Variants in ANO3 observed in about 807,000 individuals in gnomAD.
The protein encoded by ANO3 is anoctamin 3, also known as anoctamin-3.
In ANO3, 99 loss-of-function variants were observed where a neutral mutation model predicts 144.8. That is an observed-to-expected ratio of 0.68 (90% CI 0.58 to 0.81). The LOEUF is 0.81. ANO3 is among the 30% of genes least tolerant of loss of function. The probability of loss-of-function intolerance (pLI) is 0.00; values close to 1 mark genes in which losing one functional copy is unlikely to be tolerated. For missense variants in ANO3, 905 were observed against 1,202.2 expected (o/e 0.75, Z 3.66); for synonymous variants, 414 against 392.6 (o/e 1.05, Z -0.64).
chr11:26,217,682 T>C (rs1324738870), intron 1 of ANO3, among the ~76,000 whole-genome samples: 1 of 152,122 alleles, frequency 6.6e-6, no homozygotes, highest in Non-Finnish European at 1.5e-5. Context: ...AAATAGTATA[T>C]GTTCTAAAAG....
chr11:26,239,148 A>G (rs1852599633), intron 1 of ANO3, among the ~76,000 whole-genome samples: 1 of 151,668 alleles, frequency 6.6e-6, no homozygotes, highest in South Asian at 2.1e-4. Flanking sequence ...ATTATATTAC[A>G]TATTTATAAA....
intron 6 of ANO3, among the ~76,000 whole-genome samples, chr11:26,525,144 C>A (rs1028830229): frequency 6.6e-6 from 1 of 152,064 alleles, no homozygotes; most frequent in African/African-American, 2.4e-5. Context: ...ATCAAGGAAG[C>A]TTCTTGAGGG....
chr11:26,446,772 T>A (rs959985500), intron 3 of ANO3, among the ~76,000 whole-genome samples: 1 of 152,286 alleles, frequency 6.6e-6, no homozygotes, highest in African/African-American at 2.4e-5. Flanking sequence ...AAGGTATAAC[T>A]TCATCATAGC....
intron 1 of ANO3, among the ~76,000 whole-genome samples, chr11:26,228,875 C>G (rs1173767714): frequency 6.6e-6 from 1 of 152,012 alleles, no homozygotes; most frequent in Non-Finnish European, 1.5e-5. Context: ...AATCATTTGC[C>G]AAAACAATAG....
At chr11:26,512,600 T>C (rs1861708615) in intron 5 of ANO3, among the ~76,000 whole-genome samples, 2 of 152,226 alleles carry the variant, frequency 1.3e-5, no homozygotes, top group South Asian at 4.1e-4. Flanking sequence ...TGTTGGTTGA[T>C]AAAAATCTCT....
At chr11:26,274,730 C>T (rs560919706) in intron 1 of ANO3, among the ~76,000 whole-genome samples, 1 of 152,056 alleles carries the variant, frequency 6.6e-6, no homozygotes, top group Non-Finnish European at 1.5e-5. Context: ...GTTAGGACAT[C>T]CTTTTGCACT....
At chr11:26,416,897 T>C (rs913688410) in intron 1 of ANO3, among the ~76,000 whole-genome samples, 17 of 152,054 alleles carry the variant, frequency 1.1e-4, no homozygotes, top group Non-Finnish European at 1.8e-4. Flanking sequence ...TGAAGGAAAA[T>C]TATTTATCTC....
rs563862716 is a variant in ANO3, at chr11:26,365,846, C to T, written c.46+33525C>T. ...TCTGAAATAACTTTGAGGCCTTTTC[C>T]TCATTGTTTGGATATTAGCGCTTGG... is the stretch of plus-strand genomic sequence containing the variant. On this transcript the variant is annotated intron_variant, in intron 1 of 26. Transcript: ENST00000256737. Among the ~76,000 whole-genome samples the T allele has an allele frequency of 7.2e-5, 11 of 152,004 alleles. No individual in the cohort carries two copies. In the South Asian group the frequency reaches 2.3e-3, roughly 32 times the overall value.
At position 26,599,080 on chromosome 11, in the gene ANO3, CGTT is replaced by C. The variant is rs1435816875; in HGVS notation, c.1671+84_1671+86del. 3 of 1,423,176 alleles carry C rather than the reference CGTT, an allele frequency of 2.1e-6. No individual in the cohort carries two copies. In the African/African-American group the frequency reaches 4.3e-5, roughly 20 times the overall value. 88.2% of individuals were successfully genotyped at this position (1,423,176 alleles called of 1,614,324 possible). A position where few individuals can be genotyped will look rare whatever the true frequency, so the allele number is the denominator to read the frequency against. On this transcript the variant is annotated intron_variant, in intron 16 of 26. Transcript: ENST00000256737. ...TCAATGATACCAACTCATTTTGTGA[CGTT>C]GAGAATGTCAGAAACCTTATTCTTT...
At chr11:26,432,032 A>T (rs1858113131) in intron 1 of ANO3, among the ~76,000 whole-genome samples, 1 of 152,092 alleles carries the variant, frequency 6.6e-6, no homozygotes, top group African/African-American at 2.4e-5. Flanking sequence ...AACGGTGTAG[A>T]AGTGTTTCTT....
intron 1 of ANO3, among the ~76,000 whole-genome samples, chr11:26,222,172 A>C (rs1465594153): frequency 6.6e-6 from 1 of 152,366 alleles, no homozygotes; most frequent in East Asian, 1.9e-4. Flanking sequence ...CCATCCCAAA[A>C]TGAAGGATTT....
At chr11:26,544,823 T>C (rs1428606720) in intron 11 of ANO3, among the ~76,000 whole-genome samples, 2 of 152,074 alleles carry the variant, frequency 1.3e-5, no homozygotes, top group African/African-American at 4.8e-5. Flanking sequence ...AATAGGTTTA[T>C]TCAGCTACTA....
At chr11:26,531,138 G>A in intron 7 of ANO3, 67 bp from the exon 8 acceptor site, 2 of 1,563,528 alleles carry the variant, frequency 1.3e-6, no homozygotes, top group South Asian at 1.2e-5. Flanking sequence ...TAAGTGAATT[G>A]TAGTGGAAGG....
chr11:26,213,781 A>C (rs1239902660), intron 1 of ANO3, among the ~76,000 whole-genome samples: 2 of 152,076 alleles, frequency 1.3e-5, no homozygotes, highest in Non-Finnish European at 2.9e-5. Flanking sequence ...ATACTACTTT[A>C]AGTTTTTGAC....
At chr11:26,493,700 C>A (rs1373380717) in intron 4 of ANO3, among the ~76,000 whole-genome samples, 1 of 152,162 alleles carries the variant, frequency 6.6e-6, no homozygotes. Context: ...AGTTCTGGAC[C>A]TGAGAAAGTG....
At chr11:26,235,663 TTA>T (rs953606759) in intron 1 of ANO3, among the ~76,000 whole-genome samples, 2 of 151,874 alleles carry the variant, frequency 1.3e-5, no homozygotes, top group African/African-American at 4.8e-5. Context: ...CTTACATTAA[TTA>T]TATATGTTTA....
rs543537338 is a variant in ANO3, at chr11:26,203,330, T to C, written c.154+14000T>C. Among the ~76,000 whole-genome samples, 4 of 152,252 alleles carry C rather than the reference T, an allele frequency of 2.6e-5. No homozygotes were observed. The East Asian group carries it at 5.8e-4, about 22-fold the overall frequency. ...AGGAGAGGCAACATTGTACGCTACCTTTTTAGTGCTTTTTCCAAATTGGGT... is the reference window on the plus strand; with the variant it reads ...AGGAGAGGCAACATTGTACGCTACCCTTTTAGTGCTTTTTCCAAATTGGGT... On this transcript the variant is annotated intron_variant, in intron 1 of 27. Transcript: ENST00000672621.
intron 1 of ANO3, among the ~76,000 whole-genome samples, chr11:26,430,002 C>T (rs150416958): frequency 6.6e-6 from 1 of 152,084 alleles, no homozygotes; most frequent in East Asian, 1.9e-4. Flanking sequence ...CTTCGGGAGG[C>T]CAAAGCGGGG....
chr11:26,443,679 A>G (rs987853629), intron 2 of ANO3, 86 bp from the exon 3 acceptor site: 4 of 626,378 alleles, frequency 6.4e-6, no homozygotes, highest in Non-Finnish European at 5.4e-6. Flanking sequence ...ATGTTTGGCC[A>G]TCATTTGTCC....
Sources: gnomAD v4.1 joint callset for allele counts (sites outside exome capture counted in the v4.1 genomes callset) on GRCh38, gnomAD v4.1.1 for gene constraint, MANE v1.5 for transcripts, NCBI Gene and HGNC (gene_info 2026-07-23, HGNC 2026-07-21) for gene names.